LNX2: variants seen among roughly 807,000 people sequenced by gnomAD.
LNX2 encodes ligand of Numb protein X 2.
A neutral mutation model predicts 66.2 loss-of-function variants in LNX2; 35 were observed. The observed-to-expected ratio is 0.53, with a 90% CI of 0.40 to 0.70. The LOEUF (loss-of-function observed/expected upper bound fraction) is 0.70, where lower values mean the gene tolerates loss of function less well. LNX2 is among the 30% of genes least tolerant of loss of function. LNX2 has a pLI of 0.00. For missense variants in LNX2, 791 were observed against 850.8 expected, an observed-to-expected ratio of 0.93 and a Z score of 0.87; for synonymous variants, 337 against 315.6, an observed-to-expected ratio of 1.07 and a Z score of -0.72.
chr13:27,556,087 A>G (rs74713220), intron 7 of LNX2, 149 bp downstream of exon 7: 10 of 741,530 alleles, frequency 1.3e-5, no homozygotes, highest in Non-Finnish European at 1.9e-5. Context: ...ACCTCATAGA[A>G]TGACTTTATG....
intron 7 of LNX2, among the ~76,000 whole-genome samples, chr13:27,554,930 GTT>G (rs2138321771): frequency 6.6e-6 from 1 of 152,184 alleles, no homozygotes; most frequent in African/African-American, 2.4e-5. Flanking sequence ...CATCCTACTG[GTT>G]GTGAAGTAGT....
At chr13:27,559,785 A>G in intron 6 of LNX2, 57 bp downstream of exon 6, 1 of 1,429,720 alleles carries the variant, frequency 7.0e-7, no homozygotes, top group South Asian at 1.6e-5. Context: ...TTTAAATCTT[A>G]CCAGCTTGTA....
intron 1 of LNX2, among the ~76,000 whole-genome samples, chr13:27,610,126 A>AC (rs1319351088): frequency 6.6e-6 from 1 of 152,208 alleles, no homozygotes; most frequent in Admixed American, 6.5e-5. Context: ...TTAAAAGGTC[A>AC]TGCACTGCTA....
At chr13:27,554,870 G>A (rs1156357957) in intron 7 of LNX2, among the ~76,000 whole-genome samples, 4 of 152,130 alleles carry the variant, frequency 2.6e-5, no homozygotes, top group African/African-American at 9.7e-5. Context: ...GGTTTCCACT[G>A]CTCCACATCC....
At position 27,546,237 on chromosome 13, in the gene LNX2, G is replaced by C. The variant is rs1294631659; in HGVS notation, c.*2098C>G. The C allele has an allele frequency of 6.6e-6, 1 of 152,126 alleles. No homozygotes were observed. The highest frequency in any genetic ancestry group is 1.9e-4 in the East Asian group (1 of 5,198). The allele number at this position is 152,126 out of a possible 1,614,324, so 9.4% of individuals were successfully genotyped here. A position where few individuals can be genotyped will look rare whatever the true frequency, so the allele number is the denominator to read the frequency against. On this transcript the variant is annotated 3_prime_UTR_variant, in exon 10 of 10. Transcript: ENST00000316334. ...CATTATGCCACCAGGTTCAATGTAA[G>C]TATTTTGTATATAACAAAGTAGCAG...
At chr13:27,610,770 C>T (rs919385510) in intron 1 of LNX2, among the ~76,000 whole-genome samples, 2 of 152,056 alleles carry the variant, frequency 1.3e-5, no homozygotes, top group African/African-American at 4.8e-5. Flanking sequence ...ACTCCTACAT[C>T]TCAACAATAA....
chr13:27,620,518 C>G lies in LNX2; in HGVS notation c.-244G>C. On this transcript the variant is annotated 5_prime_UTR_variant, in exon 1 of 10. Transcript: ENST00000316334. ...GAATCGCCGCCGCCGCCGCCGCCGC[C>G]GCGGATTTCCTGGCAAAAAGCAAAC... 5.7e-6 allele frequency: 1 copy of G among 174,820 alleles called. No individual in the cohort carries two copies. Among genetic ancestry groups the G allele is most frequent in the Non-Finnish European group, 1.2e-5 (1 of 85,624 alleles). The allele number at this position is 174,820 out of a possible 1,614,324, so 10.8% of individuals were successfully genotyped here. A position where few individuals can be genotyped will look rare whatever the true frequency, so the allele number is the denominator to read the frequency against.
At chr13:27,562,349 A>C (rs1955144823) in intron 5 of LNX2, 64 bp downstream of exon 5, 3 of 1,519,850 alleles carry the variant, frequency 2.0e-6, no homozygotes, top group Non-Finnish European at 2.6e-6. Flanking sequence ...TTGGCCAGTG[A>C]AAACAAATAC....
At chr13:27,619,918 C>A (rs1450744881) in intron 1 of LNX2, among the ~76,000 whole-genome samples, 2 of 152,156 alleles carry the variant, frequency 1.3e-5, no homozygotes, top group Non-Finnish European at 2.9e-5. Flanking sequence ...AGGGAATGAT[C>A]TCTCCCCATC....
At chr13:27,616,437 ACAAGT>A (rs1955828018) in intron 1 of LNX2, among the ~76,000 whole-genome samples, 1 of 152,136 alleles carries the variant, frequency 6.6e-6, no homozygotes, top group South Asian at 2.1e-4. Flanking sequence ...GAGAGGTATA[ACAAGT>A]CATGTCCGAC....
chr13:27,547,237 A>G lies in LNX2; in HGVS notation c.*1098T>C, dbSNP rs950369128. ...CTGCTAAGAATAACACAACTCTAGA[A>G]ATAATTTTTTAGCAAAAACTACTTC... On this transcript the variant is annotated 3_prime_UTR_variant, in exon 10 of 10. Coordinates refer to ENST00000316334, the MANE Select transcript of LNX2 (RefSeq NM_153371.4). The G allele has an allele frequency of 6.6e-6, 1 of 152,228 alleles. No homozygotes were observed. The highest frequency in any genetic ancestry group is 6.5e-5 in the Admixed American group (1 of 15,286). The allele number at this position is 152,228 out of a possible 1,614,324, so 9.4% of individuals were successfully genotyped here.
At chr13:27,549,422 C>T (rs1954980346) in intron 9 of LNX2, among the ~76,000 whole-genome samples, 1 of 152,168 alleles carries the variant, frequency 6.6e-6, no homozygotes, top group African/African-American at 2.4e-5. Flanking sequence ...TTTCTTCTCC[C>T]AGTGCCCGGG....
chr13:27,604,462 G>C (rs972265248), intron 1 of LNX2, among the ~76,000 whole-genome samples: 1 of 152,192 alleles, frequency 6.6e-6, no homozygotes, highest in Non-Finnish European at 1.5e-5. Flanking sequence ...GAAGTCCTTT[G>C]ACACTCCAAA....
intron 1 of LNX2, among the ~76,000 whole-genome samples, chr13:27,613,373 A>G (rs778774767): frequency 1.3e-5 from 2 of 152,118 alleles, no homozygotes; most frequent in Non-Finnish European, 2.9e-5. Context: ...GAGAGCTGCA[A>G]AGATAGGAGA....
At chr13:27,555,540 T>G (rs1325083263) in intron 7 of LNX2, among the ~76,000 whole-genome samples, 1 of 152,210 alleles carries the variant, frequency 6.6e-6, no homozygotes, top group Non-Finnish European at 1.5e-5. Context: ...TAGTGTCATA[T>G]CTAAGAAACT....
intron 4 of LNX2, among the ~76,000 whole-genome samples, chr13:27,563,385 TTCAGCACAGAAATATTAGGTTGGTG>T (rs1470102855): frequency 2.0e-5 from 3 of 152,354 alleles, no homozygotes; most frequent in Admixed American, 6.5e-5. Context: ...ACTCTAATTC[TTCAGCACAGAAATATTAGGTTGGTG>T]CAAAAGTAAT....
At chr13:27,551,765 G>A (rs898661109) in intron 8 of LNX2, among the ~76,000 whole-genome samples, 1 of 152,104 alleles carries the variant, frequency 6.6e-6, no homozygotes, top group African/African-American at 2.4e-5. Flanking sequence ...GATGGAACAA[G>A]GTCCCATGCA....
chr13:27,577,995 C>T (rs999829096), intron 2 of LNX2, among the ~76,000 whole-genome samples: 2 of 152,156 alleles, frequency 1.3e-5, no homozygotes, highest in African/African-American at 4.8e-5. Flanking sequence ...AAGATAGAGA[C>T]TGTCCATGTC....
intron 5 of LNX2, among the ~76,000 whole-genome samples, chr13:27,560,856 TG>T (rs1160104251): frequency 7.2e-5 from 11 of 152,118 alleles, no homozygotes; most frequent in African/African-American, 2.7e-4. Context: ...TGGTACAAAG[TG>T]GAGACCTCTC....
Sources: allele counts gnomAD v4.1 joint callset (sites outside exome capture counted in the v4.1 genomes callset), GRCh38; gene constraint gnomAD v4.1.1; transcripts MANE v1.5; gene names NCBI Gene and HGNC (gene_info 2026-07-23, HGNC 2026-07-21).